Variants in CAMSAP1 observed in about 807,000 individuals in gnomAD.
The protein encoded by CAMSAP1 is calmodulin regulated spectrin associated protein 1, also known as calmodulin-regulated spectrin-associated protein 1.
Under a neutral mutation model 143.5 loss-of-function variants are expected in CAMSAP1, and 58 were observed. That is an observed-to-expected ratio of 0.40 (90% CI 0.33 to 0.50). The LOEUF (loss-of-function observed/expected upper bound fraction) is 0.50. Ranked by LOEUF, CAMSAP1 falls within the 20% of genes least tolerant of loss-of-function variation. CAMSAP1 has a pLI of 0.45. For synonymous variants in CAMSAP1, 945 were observed against 859.3 expected (o/e 1.10, Z -1.74); for missense variants, 1,969 against 2,115.7 (o/e 0.93, Z 1.36).
At chr9:135,859,014 G>C (rs1289487984) in intron 5 of CAMSAP1, among the ~76,000 whole-genome samples, 3 of 152,202 alleles carry the variant, frequency 2.0e-5, no homozygotes, top group African/African-American at 7.2e-5. Context: ...GACACACCCA[G>C]AAACAATGCT....
chr9:135,855,153 G>A (rs533196619), intron 5 of CAMSAP1, among the ~76,000 whole-genome samples: 13 of 152,008 alleles, frequency 8.6e-5, no homozygotes, highest in African/African-American at 1.2e-4. Flanking sequence ...CACCACCCCC[G>A]GCCAATTTTT....
intron 11 of CAMSAP1, among the ~76,000 whole-genome samples, chr9:135,819,352 C>T (rs1243796242): frequency 6.6e-6 from 1 of 152,186 alleles, no homozygotes; most frequent in Non-Finnish European, 1.5e-5. Flanking sequence ...CACCCAATTT[C>T]CCAAACATCT....
rs1838121467 is a variant in CAMSAP1 at position 135,886,347 on chromosome 9, G to A, written c.161-3269C>T. ...TGAGTGCTGGGGGACTGGGGTGCAG[G>A]AGACACCAGTCCCGCACTGAGGAGT... On this transcript the variant is annotated intron_variant, in intron 1 of 16. Coordinates refer to ENST00000389532, the MANE Select transcript of CAMSAP1 (RefSeq NM_015447.4). Among the ~76,000 whole-genome samples the A allele has an allele frequency of 2.6e-5, 4 of 152,178 alleles. No individual in the cohort carries two copies. The South Asian group carries it at 8.3e-4, about 32-fold the overall frequency.
At chr9:135,839,386 A>G (rs1564432722) in intron 7 of CAMSAP1, among the ~76,000 whole-genome samples, 1 of 152,206 alleles carries the variant, frequency 6.6e-6, no homozygotes, top group Non-Finnish European at 1.5e-5. Context: ...ATGGTTCCCC[A>G]GTCATTCCCA....
chr9:135,820,831 T>C lies in CAMSAP1; in HGVS notation c.3822+8A>G, dbSNP rs749414217. On this transcript the variant is annotated splice_region_variant and intron_variant, in intron 11 of 16. Coordinates refer to ENST00000389532, the MANE Select transcript of CAMSAP1 (RefSeq NM_015447.4). This position sits in a 1 kb window ranked among gnomAD's most constrained non-coding sequence, Gnocchi z 4.4. ...GAGTGCCTGAAACAGATGCTACCAA[T>C]CCCTTACCTTGAAGAAGAAGCCGAC... 14 of 1,611,646 alleles carry C rather than the reference T, an allele frequency of 8.7e-6. No homozygotes were observed. The highest frequency in any genetic ancestry group is 1.3e-5 in the African/African-American group (1 of 74,874).
intron 3 of CAMSAP1, among the ~76,000 whole-genome samples, chr9:135,867,213 C>T (rs1011897860): frequency 6.6e-6 from 1 of 151,946 alleles, no homozygotes; most frequent in African/African-American, 2.4e-5. Flanking sequence ...CCACCATGCA[C>T]ATCAAATCAG....
At chr9:135,813,180 G>A (rs1440804781) in intron 16 of CAMSAP1, among the ~76,000 whole-genome samples, 2 of 152,326 alleles carry the variant, frequency 1.3e-5, no homozygotes, top group East Asian at 3.9e-4. Context: ...TCAGGGTCAA[G>A]CCCTCGACCT....
chr9:135,813,545 G>A (rs1404719265), intron 16 of CAMSAP1, among the ~76,000 whole-genome samples: 2 of 152,208 alleles, frequency 1.3e-5, no homozygotes, highest in Admixed American at 6.5e-5. Flanking sequence ...TGGGGAGTGG[G>A]GTTCATCTTA....
chr9:135,818,126 G>C lies in CAMSAP1; in HGVS notation c.4169-47C>G. 1 of 1,574,702 alleles carries C rather than the reference G, an allele frequency of 6.4e-7. No homozygotes were observed. The highest frequency in any genetic ancestry group is 8.7e-7 in the Non-Finnish European group (1 of 1,147,900). On this transcript the variant is annotated intron_variant, in intron 13 of 16. Coordinates refer to ENST00000389532, the MANE Select transcript of CAMSAP1 (RefSeq NM_015447.4). This position sits in a 1 kb window ranked among gnomAD's most constrained non-coding sequence, Gnocchi z 7.7. ...GACGGTTCATGAACGGATTCCGACA[G>C]ACAAGTACCTGTCCCCTGTACCTGT...
chr9:135,905,046 G>A (rs1383238666), intron 1 of CAMSAP1, among the ~76,000 whole-genome samples: 1 of 152,114 alleles, frequency 6.6e-6, no homozygotes, highest in Non-Finnish European at 1.5e-5. Context: ...CCAGTAAGGG[G>A]CACTCCAGTC....
In CAMSAP1 at chr9:135,821,264, A is replaced by G. The variant is rs1835445784; in HGVS notation, c.3397T>C (p.Leu1133=). The G allele has an allele frequency of 6.2e-7, 1 of 1,609,498 alleles. No homozygotes were observed. The highest frequency in any genetic ancestry group is 8.5e-7 in the Non-Finnish European group (1 of 1,179,782). The part of the protein sequence containing the change: ...PTPSVETLPH[L]RPFPASSHPR... ...TGGCTGCTGGCAGGGAAGGGTCTCA[A>G]GTGCGGGAGCGTCTCTACACTGGGC... is the stretch of plus-strand genomic sequence containing the variant. The change falls in exon 11 of 17, where the codon TTG becomes CTG. Residue 1133 remains leucine, a synonymous_variant. Coordinates refer to ENST00000389532, the MANE Select transcript of CAMSAP1 (RefSeq NM_015447.4). This position sits in a 1 kb window ranked among gnomAD's most constrained non-coding sequence, Gnocchi z 4.6.
At position 135,821,373 on chromosome 9, in the gene CAMSAP1, G is replaced by T. The variant is rs1336191065; in HGVS notation, c.3288C>A (p.Gly1096=). 8.1e-6 allele frequency: 13 copies of T among 1,613,816 alleles called. No homozygotes were observed. The highest frequency in any genetic ancestry group is 3.3e-4 in the Middle Eastern group (2 of 6,056). ...CCGGCCTTCCGGAACGGGAATTCCG[G>T]CCTTGACCCAGCCGGGGGGCTTTGC... The part of the protein sequence containing the change: ...GHRKAPRLGQ[G]RNSRSGRPAE... The change falls in exon 11 of 17, where the codon GGC becomes GGA. Residue 1096 remains glycine (G), a synonymous_variant. Coordinates refer to ENST00000389532, the MANE Select transcript of CAMSAP1 (RefSeq NM_015447.4). The surrounding 1 kb of genome is among the most constrained non-coding windows in gnomAD (Gnocchi z 4.6).
At chr9:135,865,922 T>A (rs1837362622) in intron 4 of CAMSAP1, among the ~76,000 whole-genome samples, 1 of 152,284 alleles carries the variant, frequency 6.6e-6, no homozygotes, top group Non-Finnish European at 1.5e-5. Context: ...GTGAATTCAG[T>A]CACACATGTG....
In CAMSAP1 at chr9:135,822,183, G is replaced by A. The variant is rs750508489; in HGVS notation, c.2478C>T (p.Asn826=). The change falls in exon 11 of 17, where the codon AAC becomes AAT. Residue 826 remains asparagine, a synonymous_variant. Transcript: ENST00000389532. This position sits in a 1 kb window ranked among gnomAD's most constrained non-coding sequence, Gnocchi z 6.1. ...TGGTGCTGGACTTGGTCTCACAGCTGTTGAGTCTCTGGAGCTTCCTCTCCG... is the reference window on the plus strand; with the variant it reads ...TGGTGCTGGACTTGGTCTCACAGCTATTGAGTCTCTGGAGCTTCCTCTCCG... ...SFAERKLQRL[N]SCETKSSTSS... The A allele has an allele frequency of 8.7e-6, 14 of 1,613,796 alleles. No individual in the cohort carries two copies. Among genetic ancestry groups the A allele is most frequent in the Non-Finnish European group, 9.3e-6 (11 of 1,179,910 alleles).
intron 5 of CAMSAP1, 113 bp downstream of exon 5, chr9:135,862,354 A>C (rs1311218421): frequency 8.0e-7 from 1 of 1,245,360 alleles, no homozygotes; most frequent in African/African-American, 1.5e-5. Context: ...ATTTATATTA[A>C]GGATTCCATT....
intron 7 of CAMSAP1, among the ~76,000 whole-genome samples, chr9:135,837,868 C>A (rs546499802): frequency 5.0e-4 from 75 of 151,492 alleles, no homozygotes; most frequent in Middle Eastern, 3.5e-3. Context: ...TACAGACACA[C>A]GTCATCACGC....
chr9:135,815,521 G>A (rs571177087), intron 15 of CAMSAP1, among the ~76,000 whole-genome samples: 18 of 152,258 alleles, frequency 1.2e-4, no homozygotes, highest in Admixed American at 5.9e-4. Flanking sequence ...CAAAGGCCCC[G>A]GGACATACAC....
chr9:135,858,671 C>A (rs1837064326), intron 5 of CAMSAP1, among the ~76,000 whole-genome samples: 1 of 152,226 alleles, frequency 6.6e-6, no homozygotes, highest in African/African-American at 2.4e-5. Context: ...AATCCCACAA[C>A]AGGCCATCTG....
intron 1 of CAMSAP1, among the ~76,000 whole-genome samples, chr9:135,884,344 C>G (rs1838056166): frequency 6.6e-6 from 1 of 152,130 alleles, no homozygotes; most frequent in East Asian, 1.9e-4. Flanking sequence ...GGCGATGGTT[C>G]CCCACAGCAC....
Sources: allele counts gnomAD v4.1 joint callset (sites outside exome capture counted in the v4.1 genomes callset), GRCh38; gene constraint gnomAD v4.1.1; non-coding constraint Gnocchi (gnomAD v3.1); transcripts MANE v1.5; gene names NCBI Gene and HGNC (gene_info 2026-07-23, HGNC 2026-07-21).